ETV4: variants seen among roughly 807,000 people sequenced by gnomAD.
The protein encoded by ETV4 is ETS translocation variant 4.
Under a neutral mutation model 65.9 loss-of-function variants are expected in ETV4, and 42 were observed. That is an observed-to-expected ratio of 0.64 (90% CI 0.50 to 0.82). ETV4 has a LOEUF of 0.82. Ranked by LOEUF, ETV4 falls within the 40% of genes least tolerant of loss-of-function variation. ETV4 has a pLI of 0.00. For missense variants in ETV4, 583 were observed against 630.3 expected, an observed-to-expected ratio of 0.92 and a Z score of 0.80; for synonymous variants, 238 against 260.0, an observed-to-expected ratio of 0.92 and a Z score of 0.81.
chr17:43,532,791 G>C lies in ETV4; in HGVS notation c.694C>G (p.Pro232Ala). 6.2e-7 allele frequency: 1 copy of C among 1,614,046 alleles called. No homozygotes were observed. The highest frequency in any genetic ancestry group is 8.5e-7 in the Non-Finnish European group (1 of 1,180,008). ...GGCTGGCCCGCCTGTTCATACAGGG[G>C]ATCATGGTATTCTTGCTTAAAGCTC... ...QQSFKQEYHD[P>A]LYEQAGQPAV... Residue 232 changes from proline (P) to alanine (A), a missense_variant, in exon 8 of 13, where the codon CCC (proline) becomes GCC (alanine). By Grantham distance (27) the Pro-to-Ala change is conservative. Coordinates refer to ENST00000319349, the MANE Select transcript of ETV4 (RefSeq NM_001079675.5).
At chr17:43,536,117 A>AAAACAAACAAAC (rs113078365) in intron 5 of ETV4, among the ~76,000 whole-genome samples, 16 of 151,728 alleles carry the variant, frequency 1.1e-4, no homozygotes, top group African/African-American at 3.9e-4. Context: ...TCTTGGGGGG[A>AAAACAAACAAAC]AAACAAACAA....
intron 4 of ETV4, among the ~76,000 whole-genome samples, chr17:43,540,170 C>T (rs1379633053): frequency 1.3e-5 from 2 of 152,172 alleles, no homozygotes; most frequent in African/African-American, 2.4e-5. Flanking sequence ...AACACGATTA[C>T]AGCCAGGTGT....
At chr17:43,529,458 G>A in intron 11 of ETV4, 46 bp downstream of exon 11, 1 of 1,572,898 alleles carries the variant, frequency 6.4e-7, no homozygotes, top group African/African-American at 1.4e-5. Context: ...CCACCTCCAG[G>A]CTGTAAACTT....
intron 8 of ETV4, among the ~76,000 whole-genome samples, chr17:43,530,607 C>CGTGTGTGTGTGTGT (rs1414343747): frequency 7.2e-6 from 1 of 138,628 alleles, no homozygotes; most frequent in African/African-American, 2.5e-5. Context: ...TGTGCACGCG[C>CGTGTGTGTGTGTGT]GCGTGTGTGT....
At chr17:43,545,474 C>T in intron 2 of ETV4, 84 bp downstream of exon 2, 2 of 1,157,332 alleles carry the variant, frequency 1.7e-6, no homozygotes, top group African/African-American at 1.8e-5. Flanking sequence ...CAGGACTCCG[C>T]TGGGACTGCG....
intron 4 of ETV4, among the ~76,000 whole-genome samples, chr17:43,542,271 A>T (rs534222524): frequency 6.6e-6 from 1 of 152,222 alleles, no homozygotes; most frequent in South Asian, 2.1e-4. Flanking sequence ...TTTTACACAC[A>T]GTATCAGAGG....
intron 8 of ETV4, chr17:43,530,425 G>A (rs1447246763): frequency 3.6e-6 from 5 of 1,402,706 alleles, no homozygotes; most frequent in Non-Finnish European, 4.6e-6. Flanking sequence ...AGCAGCGGGG[G>A]CTGGGCAAGC....
intron 4 of ETV4, among the ~76,000 whole-genome samples, chr17:43,542,463 A>AT (rs1411892731): frequency 1.3e-5 from 2 of 152,022 alleles, no homozygotes; most frequent in Non-Finnish European, 2.9e-5. Flanking sequence ...AAAAACCAGC[A>AT]TATCTTTTAC....
intron 5 of ETV4, among the ~76,000 whole-genome samples, chr17:43,536,019 G>A (rs945497857): frequency 2.6e-5 from 4 of 152,244 alleles, no homozygotes; most frequent in Non-Finnish European, 5.9e-5. Flanking sequence ...GCTGAGGCAG[G>A]AGAATGGCTT....
In ETV4 at chr17:43,532,683, A is replaced by G; in HGVS notation, c.802T>C (p.Tyr268His). 1.2e-6 allele frequency: 2 copies of G among 1,612,070 alleles called. No individual in the cohort carries two copies. The highest frequency in any genetic ancestry group is 1.7e-6 in the Non-Finnish European group (2 of 1,178,604). Residue 268 changes from tyrosine (Y) to histidine (H), a missense_variant, in exon 8 of 13, where the codon TAC becomes CAC. By Grantham distance (83) the Tyr-to-His change is moderately conservative. Transcript: ENST00000319349. ...CACCCCAGTCTCTTACCTGAGTCGT[A>G]GGCGAAGTCCGTCTGTTCCTGTTTG... ...VIKQEQTDFAYDSDVTGCASM... is the reference protein window; with the variant it reads ...VIKQEQTDFAHDSDVTGCASM...
intron 4 of ETV4, among the ~76,000 whole-genome samples, chr17:43,539,130 C>T (rs143171215): frequency 1.3e-5 from 2 of 152,162 alleles, no homozygotes; most frequent in Non-Finnish European, 2.9e-5. Context: ...AATCATTTCT[C>T]TCTGTTATTT....
chr17:43,529,189 G>A lies in ETV4; in HGVS notation c.1176C>T (p.Tyr392=), dbSNP rs778173564. The A allele has an allele frequency of 1.7e-5, 28 of 1,613,824 alleles. No homozygotes were observed. The East Asian group carries it at 2.0e-4, about 12-fold the overall frequency. The change falls in exon 12 of 13, where the codon TAC becomes TAT. Residue 392 remains tyrosine (Y), a synonymous_variant. Transcript: ENST00000319349. ...ATCGGAGCGAGCGGCTCAGCTTGTC[G>A]TAATTCATGGCTGGCCGGTTCTTCT... is the stretch of plus-strand genomic sequence containing the variant. The part of the protein sequence containing the change: ...GIQKNRPAMN[Y]DKLSRSLRYY...
At chr17:43,545,190 C>A in intron 3 of ETV4, 84 bp downstream of exon 3, 1 of 1,009,590 alleles carries the variant, frequency 9.9e-7, no homozygotes, top group Non-Finnish European at 1.4e-6. Flanking sequence ...GTTCCAGAAT[C>A]GGCCGTGTGT....
chr17:43,532,917 C>G lies in ETV4; in HGVS notation c.568G>C (p.Asp190His). ...EHSSVFQQPLDICHSFTSQGG... is the reference protein window; with the variant it reads ...EHSSVFQQPLHICHSFTSQGG... Reference sequence around the variant, plus strand: ...TGAGATGTGAAGGAGTGGCAAATGTCCAGGGGCTGCTGGAAGACGGAGCTG... The same window carrying G: ...TGAGATGTGAAGGAGTGGCAAATGTGCAGGGGCTGCTGGAAGACGGAGCTG... The change falls in exon 8 of 13, where the codon GAC becomes CAC. Residue 190 changes from aspartate (D) to histidine (H), a missense_variant. Physicochemically the swap from Asp to His is moderately conservative, Grantham distance 81. Coordinates refer to ENST00000319349, the MANE Select transcript of ETV4 (RefSeq NM_001079675.5). The G allele has an allele frequency of 6.3e-7, 1 of 1,577,972 alleles. No individual in the cohort carries two copies. Among genetic ancestry groups the G allele is most frequent in the South Asian group, 1.2e-5 (1 of 86,736 alleles).
intron 4 of ETV4, chr17:43,544,771 T>G: frequency 3.7e-6 from 2 of 539,530 alleles, no homozygotes; most frequent in Non-Finnish European, 6.7e-6. Context: ...TGGCTCAGGG[T>G]AGAGAAAATA....
rs75315544 is a variant in ETV4, at chr17:43,542,463, A to G, written c.202+2512T>C. Among the ~76,000 whole-genome samples the G allele has an allele frequency of 8.3e-3, 1,265 of 152,136 alleles. 20 individuals are homozygous for G. The highest frequency in any genetic ancestry group is 0.029 in the African/African-American group (1,191 of 41,494). The stretch of plus-strand genomic sequence containing the variant: ...AAGGAACCTTGGACAAAAAACCAGC[A>G]TATCTTTTACCATAGCCAGACACAT... On this transcript the variant is annotated intron_variant, in intron 4 of 12. Coordinates refer to ENST00000319349, the MANE Select transcript of ETV4 (RefSeq NM_001079675.5).
At chr17:43,533,127 A>G in intron 7 of ETV4, 60 bp downstream of exon 7, 1 of 1,586,646 alleles carries the variant, frequency 6.3e-7, no homozygotes, top group Non-Finnish European at 8.6e-7. Context: ...TTTATGGAGA[A>G]CACTCAGGAA....
At chr17:43,530,271 T>A in intron 8 of ETV4, 90 bp from the exon 9 acceptor site, 1 of 1,533,632 alleles carries the variant, frequency 6.5e-7, no homozygotes, top group Non-Finnish European at 8.8e-7. Context: ...TTCAAGAATT[T>A]CTTCCTTCCA....
At chr17:43,541,533 G>T (rs980158103) in intron 4 of ETV4, among the ~76,000 whole-genome samples, 1 of 152,044 alleles carries the variant, frequency 6.6e-6, no homozygotes, top group Non-Finnish European at 1.5e-5. Context: ...TTCAAAAAGG[G>T]GGGTTAGTAA....
Sources: allele counts gnomAD v4.1 joint callset (sites outside exome capture counted in the v4.1 genomes callset), GRCh38; gene constraint gnomAD v4.1.1; transcripts MANE v1.5; gene names NCBI Gene and HGNC (gene_info 2026-07-23, HGNC 2026-07-21).